The following PDE4D variants were observed in gnomAD, a reference collection of about 807,000 sequenced individuals.
PDE4D encodes 3',5'-cyclic-AMP phosphodiesterase 4D.
Under a neutral mutation model 87.4 loss-of-function variants are expected in PDE4D, and 24 were observed. The ratio of observed to expected loss-of-function variants is 0.27; its 90% CI spans 0.20 to 0.39. The LOEUF is 0.39. Among genes scored for constraint, PDE4D ranks in the 10% least tolerant of loss-of-function variants. PDE4D has a pLI of 1.00. For synonymous variants in PDE4D, 384 were observed against 383.2 expected (o/e 1.00, Z -0.02); for missense variants, 714 against 1,041.0 (o/e 0.69, Z 4.32).
chr5:59,092,893 C>A (rs973666282), intron 5 of PDE4D, among the ~76,000 whole-genome samples: 2 of 152,154 alleles, frequency 1.3e-5, no homozygotes, highest in African/African-American at 4.8e-5. Context: ...GGTGCTCTTC[C>A]AAGCTACTTT....
At chr5:59,148,610 C>T (rs1042096742) in intron 5 of PDE4D, among the ~76,000 whole-genome samples, 2 of 152,064 alleles carry the variant, frequency 1.3e-5, no homozygotes, top group East Asian at 1.9e-4. Context: ...TAATTGGTTA[C>T]GAATTGTATT....
intron 1 of PDE4D, among the ~76,000 whole-genome samples, chr5:60,435,549 T>C (rs1163405474): frequency 2.0e-5 from 3 of 152,098 alleles, no homozygotes; most frequent in African/African-American, 7.2e-5. Flanking sequence ...TAGAAGTCTA[T>C]GGAGCATGTA....
At chr5:59,742,759 A>T (rs1759050347) in intron 1 of PDE4D, among the ~76,000 whole-genome samples, 1 of 152,222 alleles carries the variant, frequency 6.6e-6, no homozygotes, top group South Asian at 2.1e-4. Context: ...CATTTGCAAA[A>T]ATAGTCATTC....
chr5:60,122,245 G>A (rs1029788400), intron 2 of PDE4D, among the ~76,000 whole-genome samples: 1 of 152,170 alleles, frequency 6.6e-6, no homozygotes, highest in Non-Finnish European at 1.5e-5. Context: ...GGGTCTGAAG[G>A]CTGTGGCCCT....
At chr5:59,265,373 T>C (rs1041124845) in intron 1 of PDE4D, among the ~76,000 whole-genome samples, 2 of 152,020 alleles carry the variant, frequency 1.3e-5, no homozygotes, top group Admixed American at 1.3e-4. Context: ...GATAGCAGTG[T>C]GTCTTCTTTG....
chr5:60,506,773 A>C (rs746437053), intron 1 of PDE4D, among the ~76,000 whole-genome samples: 5 of 152,176 alleles, frequency 3.3e-5, no homozygotes, highest in Non-Finnish European at 7.4e-5. Flanking sequence ...AAAATGAATG[A>C]TGAGACATTT....
Position 58,993,481 on chromosome 5 carries a change from G to A in PDE4D, c.922-16C>T. ...TCCTTTTAAACTGAAAAACAGAAAA[G>A]TAAAATGAAATAATAGAAGAGGAAA... On this transcript the variant is annotated splice_polypyrimidine_tract_variant and intron_variant, in intron 6 of 14. Coordinates refer to ENST00000340635, the MANE Select transcript of PDE4D (RefSeq NM_001104631.2). The A allele has an allele frequency of 6.6e-7, 1 of 1,508,964 alleles. No homozygotes were observed. The highest frequency in any genetic ancestry group is 9.1e-7 in the Non-Finnish European group (1 of 1,100,782). 93.5% of individuals were successfully genotyped at this position (1,508,964 alleles called of 1,614,324 possible). A position where few individuals can be genotyped will look rare whatever the true frequency, so the allele number is the denominator to read the frequency against.
chr5:60,090,679 C>T (rs776674426), intron 2 of PDE4D, among the ~76,000 whole-genome samples: 10 of 152,016 alleles, frequency 6.6e-5, no homozygotes, highest in East Asian at 3.8e-4. Flanking sequence ...CCTATCACAG[C>T]GGTTAGGCAA....
At chr5:60,012,589 T>C (rs1376273381) in intron 2 of PDE4D, among the ~76,000 whole-genome samples, 2 of 140,020 alleles carry the variant, frequency 1.4e-5, no homozygotes, top group Non-Finnish European at 3.2e-5. Flanking sequence ...AGACGACTGC[T>C]ATAACCAAAA....
At chr5:59,776,918 C>T (rs944034709) in intron 1 of PDE4D, among the ~76,000 whole-genome samples, 3 of 151,650 alleles carry the variant, frequency 2.0e-5, no homozygotes, top group African/African-American at 7.3e-5. Flanking sequence ...TTGAATACAA[C>T]TAAATGGGGC....
At chr5:59,095,490 A>C (rs747963774) in intron 5 of PDE4D, among the ~76,000 whole-genome samples, 61 of 152,240 alleles carry the variant, frequency 4.0e-4, no homozygotes, top group Non-Finnish European at 7.8e-4. Flanking sequence ...AAACTTAGGT[A>C]ACAGTGGAGC....
intron 1 of PDE4D, among the ~76,000 whole-genome samples, chr5:60,479,739 A>T (rs1748586274): frequency 6.6e-6 from 1 of 152,188 alleles, no homozygotes; most frequent in Non-Finnish European, 1.5e-5. Flanking sequence ...GCTGTGTTAC[A>T]ATAAAACTTT....
intron 5 of PDE4D, chr5:59,157,015 A>T: frequency 2.8e-5 from 1 of 36,076 alleles, no homozygotes; most frequent in Non-Finnish European, 4.2e-5. Context: ...TTCATTAATT[A>T]AAAAAAAAAA....
chr5:59,724,207 G>A lies in PDE4D; in HGVS notation c.455+168961C>T, dbSNP rs555648172. Among the ~76,000 whole-genome samples, 11 of 152,212 alleles carry A rather than the reference G, an allele frequency of 7.2e-5. No homozygotes were observed. In the South Asian group the frequency reaches 2.3e-3, roughly 32 times the overall value. On this transcript the variant is annotated intron_variant, in intron 1 of 14. Coordinates refer to ENST00000340635, the MANE Select transcript of PDE4D (RefSeq NM_001104631.2). ...TGAGGTATTACAATAACCTAGGTAT[G>A]AAGGTTTCTACACCCCAAATGGCCA...
chr5:59,265,729 T>C (rs369410556), intron 1 of PDE4D, among the ~76,000 whole-genome samples: 3 of 152,154 alleles, frequency 2.0e-5, no homozygotes, highest in African/African-American at 4.8e-5. Context: ...GCCACTCAAA[T>C]TTAGGCAAGC....
Position 58,991,884 on chromosome 5 carries a change from G to T in PDE4D, c.1136C>A (p.Ser379Ter). 1 of 1,578,868 alleles carries T rather than the reference G, an allele frequency of 6.3e-7. No homozygotes were observed. The highest frequency in any genetic ancestry group is 8.6e-7 in the Non-Finnish European group (1 of 1,164,748). ...TTTAACTCCAAACCTTGGGATACTT[G>T]AATTAGTCAGACTAGAGCTGTGCAT... ...KLMHSSSLTN[S>*]SIPRFGVKTE... is the part of the protein sequence containing the mutation. Residue 379 changes from serine (S) to a stop codon, truncating the protein, a stop_gained, in exon 8 of 15, where the codon TCA becomes TAA. Coordinates refer to ENST00000340635, the MANE Select transcript of PDE4D (RefSeq NM_001104631.2). LOFTEE classifies it high-confidence loss of function.
At chr5:59,698,710 A>G (rs746007008) in intron 1 of PDE4D, among the ~76,000 whole-genome samples, 2 of 152,156 alleles carry the variant, frequency 1.3e-5, no homozygotes, top group Non-Finnish European at 2.9e-5. Flanking sequence ...AAAGAAAACC[A>G]TAATTACATA....
chr5:59,416,631 C>T (rs1793659695), intron 1 of PDE4D, among the ~76,000 whole-genome samples: 1 of 152,128 alleles, frequency 6.6e-6, no homozygotes, highest in South Asian at 2.1e-4. Context: ...AAAATTCTAC[C>T]AATTTTCAGG....
At chr5:59,753,328 C>CCTAGGCAGAAGGAGGG (rs1760757490) in intron 1 of PDE4D, among the ~76,000 whole-genome samples, 1 of 151,844 alleles carries the variant, frequency 6.6e-6, no homozygotes, top group Non-Finnish European at 1.5e-5. Context: ...AATCCATAGG[C>CCTAGGCAGAAGGAGGG]CTAGGCAGAA....
Sources: allele counts gnomAD v4.1 joint callset (sites outside exome capture counted in the v4.1 genomes callset), GRCh38; gene constraint gnomAD v4.1.1; transcripts MANE v1.5; gene names NCBI Gene and HGNC (gene_info 2026-07-23, HGNC 2026-07-21).